The following KIF21B variants were observed in gnomAD, a reference collection of about 807,000 sequenced individuals.
KIF21B encodes kinesin family member 21B, also known as kinesin-like protein KIF21B.
A neutral mutation model predicts 192.9 loss-of-function variants in KIF21B; 85 were observed. That is an observed-to-expected ratio of 0.44 (90% CI 0.37 to 0.53). The LOEUF (loss-of-function observed/expected upper bound fraction) is 0.53. KIF21B is among the 20% of genes least tolerant of loss of function. The pLI is 0.00. For synonymous variants in KIF21B, 832 were observed against 884.6 expected, an observed-to-expected ratio of 0.94 and a Z score of 1.05; for missense variants, 1,716 against 2,194.8, an observed-to-expected ratio of 0.78 and a Z score of 4.36.
intron 34 of KIF21B, chr1:200,974,195 C>T: frequency 6.5e-7 from 1 of 1,549,740 alleles, no homozygotes; most frequent in East Asian, 2.3e-5. Context: ...CCGGCAGTCA[C>T]TGTGTGGGGA....
At chr1:201,018,890 A>C (rs61817964) in intron 1 of KIF21B, among the ~76,000 whole-genome samples, 10,729 of 152,316 alleles carry the variant, frequency 0.07, 504 homozygotes, top group East Asian at 0.23. Context: ...ACTAAAGCTT[A>C]AACTACAGAG....
intron 1 of KIF21B, among the ~76,000 whole-genome samples, chr1:201,014,582 C>A (rs774856705): frequency 6.6e-6 from 1 of 152,214 alleles, no homozygotes; most frequent in African/African-American, 2.4e-5. Flanking sequence ...TGGCCCTAGC[C>A]GGGCCTCATC....
chr1:201,010,978 C>T (rs536873454), intron 1 of KIF21B, among the ~76,000 whole-genome samples: 1 of 152,310 alleles, frequency 6.6e-6, no homozygotes, highest in African/African-American at 2.4e-5. Context: ...GAGTCTGGGC[C>T]TTCTTCAGAA....
At chr1:201,001,366 G>A (rs966354849) in intron 9 of KIF21B, 2 of 152,824 alleles carry the variant, frequency 1.3e-5, no homozygotes, top group African/African-American at 2.4e-5. Flanking sequence ...CACCATGGCA[G>A]AAGATGAAGA....
intron 15 of KIF21B, among the ~76,000 whole-genome samples, chr1:200,995,899 C>T (rs1476526201): frequency 6.6e-6 from 1 of 152,158 alleles, no homozygotes; most frequent in East Asian, 1.9e-4. Context: ...GCCTCCCCAA[C>T]AGGAGGCAGC....
Position 200,990,383 on chromosome 1 carries a change from A to G in KIF21B, c.2836-51T>C. 1 of 1,538,146 alleles carries G rather than the reference A, an allele frequency of 6.5e-7. No homozygotes were observed. The highest frequency in any genetic ancestry group is 8.8e-7 in the Non-Finnish European group (1 of 1,138,246). ...TTGTGATGAAGGAGAGGCCTCAGGTAGCTGCCAAGCCCTGCCCATAGCTTC... is the reference window on the plus strand; with the variant it reads ...TTGTGATGAAGGAGAGGCCTCAGGTGGCTGCCAAGCCCTGCCCATAGCTTC... On this transcript the variant is annotated intron_variant, in intron 19 of 34. Coordinates refer to ENST00000461742, the MANE Select transcript of KIF21B (RefSeq NM_001252102.2). This position sits in a 1 kb window ranked among gnomAD's most constrained non-coding sequence, Gnocchi z 5.4.
At position 200,986,925 on chromosome 1, in the gene KIF21B, C is replaced by T. The variant is rs1248271831; in HGVS notation, c.3615-7G>A. 6.2e-7 allele frequency: 1 copy of T among 1,613,468 alleles called. No homozygotes were observed. Among genetic ancestry groups the T allele is most frequent in the Non-Finnish European group, 8.5e-7 (1 of 1,179,594 alleles). On this transcript the variant is annotated splice_polypyrimidine_tract_variant and splice_region_variant and intron_variant, in intron 25 of 34. Transcript: ENST00000461742. ...GGCTCGAGATTGCCTAGGGCTACAA[C>T]AGAAGAGTCCAGTGAGGCCCAGACC...
chr1:200,989,513 G>T (rs1656531981), intron 21 of KIF21B, among the ~76,000 whole-genome samples: 1 of 152,220 alleles, frequency 6.6e-6, no homozygotes, highest in Non-Finnish European at 1.5e-5. Context: ...CCCAAGAAAT[G>T]TCGAGGGACA....
At position 201,000,105 on chromosome 1, in the gene KIF21B, C is replaced by A; in HGVS notation, c.1686-141G>T. 1 of 781,474 alleles carries A rather than the reference C, an allele frequency of 1.3e-6. No individual in the cohort carries two copies. 48.4% of individuals were successfully genotyped at this position (781,474 alleles called of 1,614,324 possible). A position where few individuals can be genotyped will look rare whatever the true frequency, so the allele number is the denominator to read the frequency against. On this transcript the variant is annotated intron_variant, in intron 11 of 34. Coordinates refer to ENST00000461742, the MANE Select transcript of KIF21B (RefSeq NM_001252102.2). The surrounding 1 kb of genome is among the most constrained non-coding windows in gnomAD (Gnocchi z 6.0). ...CTGGCTCCTACTCTGCAGAGAACCC[C>A]ACTGCTCTTCCCTAGGGCCACCCAG...
chr1:200,988,586 T>C (rs981561336), intron 22 of KIF21B, 42 bp from the exon 23 acceptor site: 74 of 1,519,588 alleles, frequency 4.9e-5, no homozygotes, highest in Middle Eastern at 1.7e-4. Flanking sequence ...TGAGAAGCCC[T>C]GTCCAAGTGT....
rs1320150740 is a variant in KIF21B, at chr1:201,003,744, G to A, written c.1054C>T (p.Arg352Ter). 2 of 1,614,012 alleles carry A rather than the reference G, an allele frequency of 1.2e-6. No homozygotes were observed. The highest frequency in any genetic ancestry group is 2.7e-5 in the African/African-American group (2 of 74,894). The change falls in exon 8 of 35, where the codon CGA becomes TGA. Residue 352 changes from arginine (R) to a stop codon, truncating the protein, a stop_gained. Coordinates refer to ENST00000461742, the MANE Select transcript of KIF21B (RefSeq NM_001252102.2). LOFTEE classifies it high-confidence loss of function. ...GTGTTGAGGGTCTCCATGAAATCTC[G>A]GTCTGAGGGGCTCACACAGGCGATC... The part of the protein sequence containing the change: ...IMIACVSPSD[R>*]DFMETLNTLK...
intron 34 of KIF21B, chr1:200,974,285 A>G (rs79081892): frequency 3.5e-6 from 5 of 1,442,034 alleles, no homozygotes; most frequent in African/African-American, 1.4e-5. Flanking sequence ...AACAAGAAAG[A>G]AAGCCATCTG....
intron 7 of KIF21B, 124 bp downstream of exon 7, chr1:201,004,216 C>T (rs2102448386): frequency 1.3e-6 from 1 of 764,088 alleles, no homozygotes; most frequent in East Asian, 2.7e-5. Context: ...CCTCCTAAAC[C>T]TGCAGCCTAG....
At chr1:200,993,890 C>A (rs1179011001) in intron 15 of KIF21B, among the ~76,000 whole-genome samples, 1 of 151,944 alleles carries the variant, frequency 6.6e-6, no homozygotes, top group Non-Finnish European at 1.5e-5. Context: ...GGTGAATCTG[C>A]AGAGAAGAGG....
In KIF21B at chr1:201,023,203, C is replaced by T; in HGVS notation, c.41+140G>A. On this transcript the variant is annotated intron_variant, in intron 1 of 34. Coordinates refer to ENST00000461742, the MANE Select transcript of KIF21B (RefSeq NM_001252102.2). This position sits in a 1 kb window ranked among gnomAD's most constrained non-coding sequence, Gnocchi z 5.9. ...GGCAGACTGGCCAGCGCGCGGCGCC[C>T]TCCATCCCGTCCCACGCCGGCCCCT... 8 of 655,318 alleles carry T rather than the reference C, an allele frequency of 1.2e-5. No homozygotes were observed. Among genetic ancestry groups the T allele is most frequent in the Non-Finnish European group, 1.8e-5 (8 of 435,124 alleles). The allele number at this position is 655,318 out of a possible 1,614,324, so 40.6% of individuals were successfully genotyped here.
In KIF21B at chr1:200,990,035, C is replaced by T; in HGVS notation, c.3039G>A (p.Leu1013=). Residue 1013 remains leucine (L), a synonymous_variant, in exon 21 of 35, where the codon CTG becomes CTA. Coordinates refer to ENST00000461742, the MANE Select transcript of KIF21B (RefSeq NM_001252102.2). The surrounding 1 kb of genome is among the most constrained non-coding windows in gnomAD (Gnocchi z 5.4). The part of the protein sequence containing the change: ...IVQLEETKEE[L]DSTDTSVVIS... ...TGACCACGGATGTGTCTGTGGAGTCCAGCTCCTCCTAGGACCGGGAGGCAG... is the reference window on the plus strand; with the variant it reads ...TGACCACGGATGTGTCTGTGGAGTCTAGCTCCTCCTAGGACCGGGAGGCAG... 1 of 1,613,862 alleles carries T rather than the reference C, an allele frequency of 6.2e-7. No homozygotes were observed. Among genetic ancestry groups the T allele is most frequent in the Admixed American group, 1.7e-5 (1 of 60,022 alleles).
intron 9 of KIF21B, chr1:201,001,765 A>C (rs1657513660): frequency 5.2e-6 from 1 of 193,936 alleles, no homozygotes; most frequent in Non-Finnish European, 1.1e-5. Context: ...TAGAAAAAGT[A>C]GTCTATATCA....
In KIF21B at chr1:200,975,087, G is replaced by A. The variant is rs1655454923; in HGVS notation, c.4615-174C>T. ...CCATGCTGGGGTGGCCTGTGCTGTG[G>A]GCTTTAGGGGACCAGAGATGGGTCC... On this transcript the variant is annotated intron_variant, in intron 33 of 34. Transcript: ENST00000461742. This position sits in a 1 kb window ranked among gnomAD's most constrained non-coding sequence, Gnocchi z 4.3. Among the ~76,000 whole-genome samples, 1 of 152,214 alleles carries A rather than the reference G, an allele frequency of 6.6e-6. No individual in the cohort carries two copies. Among genetic ancestry groups the A allele is most frequent in the Non-Finnish European group, 1.5e-5 (1 of 68,026 alleles).
At chr1:201,009,080 G>A in intron 2 of KIF21B, 129 bp from the exon 3 acceptor site, 3 of 1,238,580 alleles carry the variant, frequency 2.4e-6, no homozygotes, top group Non-Finnish European at 3.3e-6. Context: ...TCTTGGTCCT[G>A]AAGCCACACT....
Sources: gnomAD v4.1 joint callset for allele counts (sites outside exome capture counted in the v4.1 genomes callset) on GRCh38, gnomAD v4.1.1 for gene constraint, Gnocchi (gnomAD v3.1) non-coding constraint, MANE v1.5 for transcripts, NCBI Gene and HGNC (gene_info 2026-07-23, HGNC 2026-07-21) for gene names.